Variants in PPP1R3A observed in about 807,000 individuals in gnomAD.
The protein encoded by PPP1R3A is protein phosphatase 1 regulatory subunit 3A, also known as RG1.
In PPP1R3A, 29 loss-of-function variants were observed where a neutral mutation model predicts 41.7. The observed-to-expected ratio is 0.70, with a 90% CI of 0.52 to 0.95. The LOEUF (loss-of-function observed/expected upper bound fraction) is 0.95. PPP1R3A is among the 40% of genes least tolerant of loss of function. The pLI, the probability that PPP1R3A is intolerant of heterozygous loss-of-function variation, is 0.00. For missense variants in PPP1R3A, 1,352 were observed against 1,292.4 expected, an observed-to-expected ratio of 1.05 and a Z score of -0.71; for synonymous variants, 485 against 453.4, an observed-to-expected ratio of 1.07 and a Z score of -0.89.
chr7:113,916,152 T>C (rs1562927690), intron 1 of PPP1R3A, among the ~76,000 whole-genome samples: 1 of 152,018 alleles, frequency 6.6e-6, no homozygotes, highest in Non-Finnish European at 1.5e-5. Flanking sequence ...TCGAATTATG[T>C]TGGTCATTTT....
Position 113,878,910 on chromosome 7 carries a change from C to A in PPP1R3A, c.2182G>T (p.Gly728Cys). 1.2e-6 allele frequency: 2 copies of A among 1,612,928 alleles called. No homozygotes were observed. The highest frequency in any genetic ancestry group is 1.3e-5 in the African/African-American group (1 of 74,972). The change falls in exon 4 of 4, where the codon GGT (glycine) becomes TGT (cysteine). Residue 728 changes from glycine to cysteine, a missense_variant. Transcript: ENST00000284601. The part of the protein sequence containing the change: ...DHGITEKAEA[G>C]TAYIIKTTSE... ...GTTGTCTTAATTATATAGGCTGTAC[C>A]AGCTTCTGCTTTCTCAGTAATGCCA...
intron 1 of PPP1R3A, among the ~76,000 whole-genome samples, chr7:113,896,949 AACAGAATTAGCT>A (rs1254799007): frequency 6.6e-6 from 1 of 151,934 alleles, no homozygotes; most frequent in Non-Finnish European, 1.5e-5. Context: ...ACATTCCTGC[AACAGAATTAGCT>A]ACAGAATCCA....
rs1796583395 is a variant in PPP1R3A, at chr7:113,877,346, GA to G, written c.*376del. 1.9e-5 allele frequency: 3 copies of G among 160,460 alleles called. No homozygotes were observed. In the South Asian group the frequency reaches 6.0e-4, roughly 32 times the overall value. The allele number at this position is 160,460 out of a possible 1,614,324, so 9.9% of individuals were successfully genotyped here. On this transcript the variant is annotated 3_prime_UTR_variant, in exon 4 of 4. Coordinates refer to ENST00000284601, the MANE Select transcript of PPP1R3A (RefSeq NM_002711.4). ...TTATCTGTTTTTTAAAACCGTAGGG[GA>G]AAATATATACTCTCAAGGGGAAAAA...
intron 1 of PPP1R3A, among the ~76,000 whole-genome samples, chr7:113,911,556 C>A (rs756902369): frequency 4.1e-4 from 63 of 151,956 alleles, no homozygotes; most frequent in Non-Finnish European, 7.8e-4. Context: ...CCAAAAGAAC[C>A]ATCTTCAGAA....
chr7:113,882,625 A>T lies in PPP1R3A; in HGVS notation c.783-305T>A, dbSNP rs551073636. Among the ~76,000 whole-genome samples, 205 of 152,092 alleles carry T rather than the reference A, an allele frequency of 1.3e-3. 1 individual carries two copies. Among genetic ancestry groups the T allele is most frequent in the African/African-American group, 4.7e-3 (195 of 41,552 alleles). On this transcript the variant is annotated intron_variant, in intron 1 of 3. Transcript: ENST00000284601. ...ACTTATATAACCAAAGTAAAAACAT[A>T]TGTAAATGTAGATTATTCTATCTTC... is the stretch of plus-strand genomic sequence containing the variant.
chr7:113,877,170 G>A lies in PPP1R3A; in HGVS notation c.*553C>T, dbSNP rs1796579845. The A allele has an allele frequency of 2.6e-5, 4 of 151,946 alleles. No individual in the cohort carries two copies. Among genetic ancestry groups the A allele is most frequent in the Admixed American group, 2.6e-4 (4 of 15,200 alleles). 9.4% of individuals were successfully genotyped at this position (151,946 alleles called of 1,614,324 possible). A position where few individuals can be genotyped will look rare whatever the true frequency, so the allele number is the denominator to read the frequency against. ...TATTACACTCAAGTGAACAGAATAT[G>A]TTTAAGTTTGCATTTCAATATATAT... On this transcript the variant is annotated 3_prime_UTR_variant, in exon 4 of 4. Transcript: ENST00000284601.
chr7:113,916,957 T>TA (rs1401203829), intron 1 of PPP1R3A, among the ~76,000 whole-genome samples: 1 of 152,048 alleles, frequency 6.6e-6, no homozygotes, highest in African/African-American at 2.4e-5. Context: ...CAGATGACTT[T>TA]AAAGGAAAAT....
chr7:113,915,112 T>A (rs1285160042), intron 1 of PPP1R3A, among the ~76,000 whole-genome samples: 1 of 152,074 alleles, frequency 6.6e-6, no homozygotes, highest in Admixed American at 6.6e-5. Context: ...ATCACATGCC[T>A]ATGAGTTACA....
intron 3 of PPP1R3A, among the ~76,000 whole-genome samples, chr7:113,881,316 A>G (rs557694207): frequency 9.9e-5 from 15 of 152,194 alleles, no homozygotes; most frequent in African/African-American, 3.6e-4. Context: ...TTATGAATCC[A>G]TGTATTCCAA....
chr7:113,915,462 A>G (rs1018661700), intron 1 of PPP1R3A, among the ~76,000 whole-genome samples: 2 of 151,498 alleles, frequency 1.3e-5, no homozygotes, highest in Non-Finnish European at 2.9e-5. Flanking sequence ...CCTGATTTTC[A>G]TTTTAGCTAT....
intron 3 of PPP1R3A, among the ~76,000 whole-genome samples, chr7:113,881,649 A>G (rs764269131): frequency 2.0e-5 from 3 of 152,008 alleles, no homozygotes; most frequent in Non-Finnish European, 4.4e-5. Context: ...AGAATCATAG[A>G]CTTCTAGAGT....
At chr7:113,905,441 C>G (rs1277284041) in intron 1 of PPP1R3A, among the ~76,000 whole-genome samples, 5 of 151,814 alleles carry the variant, frequency 3.3e-5, no homozygotes, top group African/African-American at 1.2e-4. Context: ...CTACAATAAT[C>G]AATGCAAATA....
intron 1 of PPP1R3A, among the ~76,000 whole-genome samples, chr7:113,906,237 A>G (rs1797143983): frequency 6.6e-6 from 1 of 151,826 alleles, no homozygotes; most frequent in Admixed American, 6.6e-5. Flanking sequence ...TAGACAACAA[A>G]TATGCAGTTA....
intron 1 of PPP1R3A, among the ~76,000 whole-genome samples, chr7:113,908,087 CA>C (rs149230283): frequency 0.045 from 6,864 of 151,878 alleles, 167 homozygotes; most frequent in Non-Finnish European, 0.054. Flanking sequence ...TAGACAGTAG[CA>C]CTAGGGGTCC....
At chr7:113,885,637 A>T (rs774522644) in intron 1 of PPP1R3A, among the ~76,000 whole-genome samples, 3 of 151,858 alleles carry the variant, frequency 2.0e-5, no homozygotes, top group Non-Finnish European at 2.9e-5. Context: ...TAATATCACA[A>T]AAAGGAATAT....
At chr7:113,886,299 G>C (rs1796783884) in intron 1 of PPP1R3A, among the ~76,000 whole-genome samples, 1 of 151,964 alleles carries the variant, frequency 6.6e-6, no homozygotes, top group Non-Finnish European at 1.5e-5. Flanking sequence ...TTGTATTATG[G>C]GGGTGGGTCT....
rs747021589 is a variant in PPP1R3A at position 113,878,383 on chromosome 7, G to A, written c.2709C>T (p.Asn903=). ...TCTGAGGAGCTCTATTAGTGTCTGA[G>A]TTAAAAGCAGAATGCACAATGGCAT... The part of the protein sequence containing the change: ...DSDAIVHSAF[N]SDTNRAPQNS... The change falls in exon 4 of 4, where the codon AAC becomes AAT. Residue 903 remains asparagine (N), a synonymous_variant. Coordinates refer to ENST00000284601, the MANE Select transcript of PPP1R3A (RefSeq NM_002711.4). The A allele has an allele frequency of 2.5e-6, 4 of 1,611,904 alleles. No individual in the cohort carries two copies. Among genetic ancestry groups the A allele is most frequent in the East Asian group, 2.2e-5 (1 of 44,828 alleles).
chr7:113,885,839 A>C (rs1796776336), intron 1 of PPP1R3A, among the ~76,000 whole-genome samples: 1 of 148,708 alleles, frequency 6.7e-6, no homozygotes, highest in South Asian at 2.1e-4. Flanking sequence ...TATAAATTAA[A>C]GTTATATATA....
chr7:113,916,988 T>C (rs1156596275), intron 1 of PPP1R3A, among the ~76,000 whole-genome samples: 2 of 152,056 alleles, frequency 1.3e-5, no homozygotes, highest in South Asian at 2.1e-4. Context: ...ATAATATATA[T>C]GTTTGAATTG....
Sources: allele counts gnomAD v4.1 joint callset (sites outside exome capture counted in the v4.1 genomes callset), GRCh38; gene constraint gnomAD v4.1.1; transcripts MANE v1.5; gene names NCBI Gene and HGNC (gene_info 2026-07-23, HGNC 2026-07-21).